The following PCDH11X variants were observed in gnomAD, a reference collection of about 807,000 sequenced individuals.
The protein encoded by PCDH11X is protocadherin 11 X-linked, also known as protocadherin-11 X-linked.
In PCDH11X, 18 loss-of-function variants were observed where a neutral mutation model predicts 53.3. The ratio of observed to expected loss-of-function variants is 0.34; its 90% confidence interval spans 0.23 to 0.50. The LOEUF (loss-of-function observed/expected upper bound fraction) is 0.50, where lower values mean the gene tolerates loss of function less well. PCDH11X is among the 20% of genes least tolerant of loss of function. The pLI is 0.98. For synonymous variants in PCDH11X, 279 were observed against 393.3 expected (o/e 0.71, Z 3.44); for missense variants, 570 against 1,032.4 (o/e 0.55, Z 6.14).
intron 4 of PCDH11X, among the ~76,000 whole-genome samples, chrX:91,828,512 T>C (rs1341723081): frequency 9.0e-6 from 1 of 111,404 alleles, no homozygotes; most frequent in African/African-American, 3.3e-5. Context: ...CATTTTTAAT[T>C]GGTTATCCAT....
At chrX:92,079,561 A>G (rs2148097168) in intron 6 of PCDH11X, among the ~76,000 whole-genome samples, 1 of 109,992 alleles carries the variant, frequency 9.1e-6, no homozygotes, top group East Asian at 2.9e-4. Flanking sequence ...TATGAAGGCC[A>G]TTTTCTCTTT....
At chrX:92,602,348 G>A (rs1405057745) in intron 10 of PCDH11X, among the ~76,000 whole-genome samples, 4 of 112,551 alleles carry the variant, frequency 3.6e-5, no homozygotes, top group Non-Finnish European at 5.6e-5. Flanking sequence ...TTAGCTGTAG[G>A]TTTAGCAGAG....
At chrX:91,820,993 C>T (rs1161201238) in intron 4 of PCDH11X, among the ~76,000 whole-genome samples, 7 of 108,083 alleles carry the variant, frequency 6.5e-5, no homozygotes, top group South Asian at 3.9e-4. Flanking sequence ...AGATATGCGG[C>T]GTTATTTCTG....
At chrX:92,389,871 T>G (rs1267558017) in intron 9 of PCDH11X, among the ~76,000 whole-genome samples, 1 of 109,186 alleles carries the variant, frequency 9.2e-6, no homozygotes, top group East Asian at 2.9e-4. Flanking sequence ...TGTTAGGAGC[T>G]AAACATTTCT....
chrX:91,810,570 C>G lies in PCDH11X; in HGVS notation c.-112C>G. 1 of 112,022 alleles carries G rather than the reference C, an allele frequency of 8.9e-6. No homozygotes were observed. Among genetic ancestry groups the G allele is most frequent in the African/African-American group, 3.2e-5 (1 of 30,808 alleles). The allele number at this position is 112,022 out of a possible 1,213,427, so 9.2% of individuals were successfully genotyped here. On this transcript the variant is annotated 5_prime_UTR_variant, in exon 3 of 11. Coordinates refer to ENST00000682573, the MANE Select transcript of PCDH11X (RefSeq NM_032968.5). Reference sequence around the variant, plus strand: ...CTTTGTAATCTTGTGAAGAAGCTGACAAGCTTGGGTGAGACAATGTTTTGC... The same window carrying G: ...CTTTGTAATCTTGTGAAGAAGCTGAGAAGCTTGGGTGAGACAATGTTTTGC...
intron 8 of PCDH11X, among the ~76,000 whole-genome samples, chrX:92,359,543 A>T (rs2070295997): frequency 9.0e-6 from 1 of 111,167 alleles, no homozygotes; most frequent in Admixed American, 9.6e-5. Context: ...GTGAATCAAA[A>T]GCCAGTGTTT....
chrX:92,321,336 G>C (rs1193404242), intron 8 of PCDH11X, among the ~76,000 whole-genome samples: 4 of 108,500 alleles, frequency 3.7e-5, no homozygotes, highest in Non-Finnish European at 7.6e-5. Flanking sequence ...GGAACTACAG[G>C]CGCCTGCCAC....
At chrX:91,818,936 G>A (rs1402085443) in intron 4 of PCDH11X, among the ~76,000 whole-genome samples, 1 of 111,810 alleles carries the variant, frequency 8.9e-6, no homozygotes, top group South Asian at 3.7e-4. Context: ...TACAAATAAA[G>A]CATCTCATGA....
intron 10 of PCDH11X, among the ~76,000 whole-genome samples, chrX:92,578,952 T>C (rs1220682222): frequency 2.7e-5 from 3 of 111,564 alleles, no homozygotes; most frequent in Non-Finnish European, 3.8e-5. Context: ...TGGTGATGAA[T>C]TCCCTCAGCA....
chrX:92,149,430 ACT>A (rs199657624), intron 6 of PCDH11X, among the ~76,000 whole-genome samples: 10,741 of 79,658 alleles, frequency 0.13, 1,202 homozygotes, highest in African/African-American at 0.42. Flanking sequence ...TCTTTCTCTC[ACT>A]CTCTCTCTCT....
At chrX:92,091,638 A>T (rs960735878) in intron 6 of PCDH11X, among the ~76,000 whole-genome samples, 1 of 111,010 alleles carries the variant, frequency 9.0e-6, no homozygotes, top group Non-Finnish European at 1.9e-5. Context: ...AGGTGGGACA[A>T]CTCAAAGTGG....
chrX:92,129,962 GCGCACACGCACA>G (rs906628157), intron 6 of PCDH11X, among the ~76,000 whole-genome samples: 19 of 111,425 alleles, frequency 1.7e-4, no homozygotes, highest in African/African-American at 5.5e-4. Context: ...TGGCTTATAT[GCGCACACGCACA>G]CGCACACGCA....
chrX:91,972,989 G>C (rs1457780851), intron 6 of PCDH11X, among the ~76,000 whole-genome samples: 26 of 109,703 alleles, frequency 2.4e-4, no homozygotes, highest in Non-Finnish European at 4.7e-4. Flanking sequence ...ACATGCACAC[G>C]TATGTTTATT....
intron 6 of PCDH11X, among the ~76,000 whole-genome samples, chrX:91,900,014 T>C (rs1204035645): frequency 9.0e-6 from 1 of 111,121 alleles, no homozygotes; most frequent in Admixed American, 9.6e-5. Flanking sequence ...TCTGGACCAT[T>C]TGTAGTCCTG....
intron 7 of PCDH11X, among the ~76,000 whole-genome samples, chrX:92,235,517 G>A (rs2067153704): frequency 9.0e-6 from 1 of 111,459 alleles, no homozygotes; most frequent in Non-Finnish European, 1.9e-5. Flanking sequence ...GTTTTTTGTA[G>A]CTGATATGAT....
intron 9 of PCDH11X, among the ~76,000 whole-genome samples, chrX:92,464,054 C>T (rs1318840506): frequency 3.6e-5 from 4 of 111,615 alleles, no homozygotes; most frequent in African/African-American, 1.3e-4. Context: ...TCGCTGTTGT[C>T]AATTTTCAAA....
At chrX:91,953,680 T>C (rs2061671753) in intron 6 of PCDH11X, among the ~76,000 whole-genome samples, 1 of 110,438 alleles carries the variant, frequency 9.1e-6, no homozygotes, top group African/African-American at 3.3e-5. Flanking sequence ...GTAAGTACTA[T>C]ATCCATGTAT....
intron 6 of PCDH11X, among the ~76,000 whole-genome samples, chrX:91,969,065 G>C (rs1489591250): frequency 9.0e-6 from 1 of 110,826 alleles, no homozygotes; most frequent in Admixed American, 9.6e-5. Flanking sequence ...TATAGATTCT[G>C]ACAGACGCAA....
intron 6 of PCDH11X, among the ~76,000 whole-genome samples, chrX:91,979,242 T>C (rs2062090339): frequency 9.2e-6 from 1 of 108,109 alleles, no homozygotes; most frequent in Non-Finnish European, 1.9e-5. Flanking sequence ...TGGCAAGATA[T>C]GGACTATGAA....
Sources: allele counts gnomAD v4.1 joint callset (sites outside exome capture counted in the v4.1 genomes callset), GRCh38; gene constraint gnomAD v4.1.1; transcripts MANE v1.5; gene names NCBI Gene and HGNC (gene_info 2026-07-23, HGNC 2026-07-21).